The following PCDHGB7 variants were observed in gnomAD, a reference collection of about 807,000 sequenced individuals.
PCDHGB7 encodes the protein protocadherin gamma subfamily B, 7.
Under a neutral mutation model 61.4 loss-of-function variants are expected in PCDHGB7, and 37 were observed. The observed-to-expected ratio is 0.60, with a 90% CI of 0.46 to 0.79. The LOEUF (loss-of-function observed/expected upper bound fraction) is 0.79, where lower values mean the gene tolerates loss of function less well. Ranked by LOEUF, PCDHGB7 falls within the 30% of genes least tolerant of loss-of-function variation. PCDHGB7 has a pLI of 0.00. For missense variants in PCDHGB7, 1,166 were observed against 1,202.5 expected (o/e 0.97, Z 0.45); for synonymous variants, 464 against 503.5 (o/e 0.92, Z 1.05).
chr5:141,417,896 C>G lies in PCDHGB7; in HGVS notation c.37C>G (p.Pro13Ala). 1 of 1,576,868 alleles carries G rather than the reference C, an allele frequency of 6.3e-7. No homozygotes were observed. The highest frequency in any genetic ancestry group is 8.6e-7 in the Non-Finnish European group (1 of 1,160,896). The change falls in exon 1 of 4, where the codon CCG becomes GCG. Residue 13 changes from proline (P) to alanine (A), a missense_variant. Pro to Ala is a conservative substitution (Grantham distance 27). Coordinates refer to ENST00000398594, the MANE Select transcript of PCDHGB7 (RefSeq NM_018927.4). ...GSCAQRRRAG[P>A]RQVLFPLLLP... ...CTGCGCGCAGAGGCGCCGGGCCGGC[C>G]CGCGGCAGGTACTATTTCCTTTGCT... is the stretch of plus-strand genomic sequence containing the variant.
chr5:141,458,633 A>C (rs548586597), intron 1 of PCDHGB7, among the ~76,000 whole-genome samples: 12 of 151,884 alleles, frequency 7.9e-5, no homozygotes, highest in Non-Finnish European at 1.5e-4. Flanking sequence ...GCAGTGGCAC[A>C]ATCCCAGCTC....
At position 141,491,187 on chromosome 5, in the gene PCDHGB7, G is replaced by A. The variant is rs2099709293; in HGVS notation, c.2416-3620G>A. ...CCCAGCAGGTGGTGGTCCTGGTGAG[G>A]GACAATGGTGACCCTTCACTCTCCT... On this transcript the variant is annotated intron_variant, in intron 1 of 3. Coordinates refer to ENST00000398594, the MANE Select transcript of PCDHGB7 (RefSeq NM_018927.4). The surrounding 1 kb of genome is among the most constrained non-coding windows in gnomAD (Gnocchi z 6.9). The A allele has an allele frequency of 6.2e-7, 1 of 1,614,064 alleles. No homozygotes were observed. The highest frequency in any genetic ancestry group is 1.1e-5 in the South Asian group (1 of 91,080).
chr5:141,440,572 GT>G (rs1233263525), intron 1 of PCDHGB7: 1 of 152,200 alleles, frequency 6.6e-6, no homozygotes, highest in Non-Finnish European at 1.5e-5. Context: ...GTATCTCTGA[GT>G]TTACCCAGCT....
intron 1 of PCDHGB7, chr5:141,424,664 A>T (rs923488035): frequency 6.6e-6 from 1 of 152,124 alleles, no homozygotes; most frequent in African/African-American, 2.4e-5. Flanking sequence ...CTTTAATTAA[A>T]CTGATTTAGC....
Position 141,419,652 on chromosome 5 carries a change from C to T in PCDHGB7, c.1793C>T (p.Ser598Leu), listed in dbSNP as rs563445438. 15 of 1,612,592 alleles carry T rather than the reference C, an allele frequency of 9.3e-6. 1 individual carries two copies. In the Admixed American group the frequency reaches 1.3e-4, roughly 14 times the overall value. The change falls in exon 1 of 4, where the codon TCG (serine) becomes TTG (leucine). Residue 598 changes from serine (S) to leucine (L), a missense_variant. Transcript: ENST00000398594. ...VTKVVAVDAD[S>L]GHNAWLSYHV... ...AAGGTGGTGGCCGTGGACGCGGACT[C>T]GGGGCACAATGCCTGGCTGTCCTAC... is the stretch of plus-strand genomic sequence containing the variant.
intron 1 of PCDHGB7, among the ~76,000 whole-genome samples, chr5:141,453,864 G>A (rs758778743): frequency 2.6e-5 from 4 of 152,192 alleles, no homozygotes; most frequent in Non-Finnish European, 5.9e-5. Context: ...GAAAATAACA[G>A]ATGAGCAAAA....
At chr5:141,501,290 TACACACACACACACAC>T (rs55762287) in intron 2 of PCDHGB7, among the ~76,000 whole-genome samples, 7 of 136,164 alleles carry the variant, frequency 5.1e-5, no homozygotes, top group South Asian at 2.4e-4. Context: ...TATTCCCTTA[TACACACACACACACAC>T]ACACACACAC....
intron 1 of PCDHGB7, among the ~76,000 whole-genome samples, chr5:141,425,551 T>C (rs1472337722): frequency 1.3e-5 from 2 of 152,270 alleles, no homozygotes. Context: ...CAGAAACCTC[T>C]TTTATAAGTG....
intron 1 of PCDHGB7, chr5:141,468,541 A>G (rs1407685120): frequency 6.6e-6 from 1 of 152,076 alleles, no homozygotes. Context: ...GTTTCCTGAC[A>G]TATTTAACAT....
intron 1 of PCDHGB7, among the ~76,000 whole-genome samples, chr5:141,442,917 G>A (rs1041756930): frequency 6.6e-6 from 1 of 152,178 alleles, no homozygotes; most frequent in Non-Finnish European, 1.5e-5. Context: ...GCACACAACT[G>A]TTTCATTTTC....
rs566049956 is a variant in PCDHGB7 at position 141,511,685 on chromosome 5, G to A, written c.*512G>A. 1.0e-5 allele frequency: 2 copies of A among 198,374 alleles called. No individual in the cohort carries two copies. Among genetic ancestry groups the A allele is most frequent in the Non-Finnish European group, 2.1e-5 (2 of 94,428 alleles). The allele number at this position is 198,374 out of a possible 1,614,324, so 12.3% of individuals were successfully genotyped here. On this transcript the variant is annotated 3_prime_UTR_variant, in exon 4 of 4. Coordinates refer to ENST00000398594, the MANE Select transcript of PCDHGB7 (RefSeq NM_018927.4). ...GATTCTCAATCTTCCCCCAAAGCAT[G>A]GTTTGGTGCCAGCCCCTTCACCTCC...
chr5:141,438,631 TATATAC>T (rs1271580663), intron 1 of PCDHGB7, among the ~76,000 whole-genome samples: 5,390 of 42,476 alleles, frequency 0.13, 146 homozygotes, highest in Non-Finnish European at 0.16. Context: ...TATATATATA[TATATAC>T]ACACACACAC....
intron 2 of PCDHGB7, 70 bp downstream of exon 2, chr5:141,494,935 G>T (rs1456805368): frequency 2.5e-6 from 4 of 1,612,364 alleles, no homozygotes; most frequent in African/African-American, 1.3e-5. Context: ...GGGAGGAGAT[G>T]GGGGAGGGCC....
intron 1 of PCDHGB7, chr5:141,471,515 T>C (rs931181988): frequency 2.6e-5 from 4 of 152,276 alleles, no homozygotes; most frequent in African/African-American, 9.6e-5. Context: ...GGAGTAAAAA[T>C]AACAGCGAGG....
chr5:141,430,938 C>A, intron 1 of PCDHGB7: 1 of 1,607,082 alleles, frequency 6.2e-7, no homozygotes, highest in Non-Finnish European at 8.5e-7. Context: ...CGGGAGCTCG[C>A]GGAGCGCGGA....
chr5:141,446,778 T>C (rs2098515519), intron 1 of PCDHGB7, among the ~76,000 whole-genome samples: 1 of 152,116 alleles, frequency 6.6e-6, no homozygotes, highest in South Asian at 2.1e-4. Flanking sequence ...GTTACCATTC[T>C]TTTACTCTGA....
Position 141,490,920 on chromosome 5 carries a change from T to A in PCDHGB7, c.2416-3887T>A. 1.2e-6 allele frequency: 2 copies of A among 1,613,638 alleles called. No homozygotes were observed. The highest frequency in any genetic ancestry group is 1.7e-6 in the Non-Finnish European group (2 of 1,179,684). The stretch of plus-strand genomic sequence containing the variant: ...TGTTTGTCCTAGACGAGAATGATAA[T>A]GCCCCAGCTGTGCTGCACCCACGGC... On this transcript the variant is annotated intron_variant, in intron 1 of 3. Coordinates refer to ENST00000398594, the MANE Select transcript of PCDHGB7 (RefSeq NM_018927.4). This position sits in a 1 kb window ranked among gnomAD's most constrained non-coding sequence, Gnocchi z 5.4.
At chr5:141,420,457 T>A in intron 1 of PCDHGB7, 183 bp downstream of exon 1, 1 of 927,890 alleles carries the variant, frequency 1.1e-6, no homozygotes. Flanking sequence ...TTCCTACTAT[T>A]CAAAGACATT....
chr5:141,422,150 T>A (rs773805631), intron 1 of PCDHGB7: 1 of 1,577,174 alleles, frequency 6.3e-7, no homozygotes, highest in Non-Finnish European at 8.6e-7. Context: ...CGGGGGTCTC[T>A]GGATTTTGAA....
Sources: gnomAD v4.1 joint callset for allele counts (sites outside exome capture counted in the v4.1 genomes callset) on GRCh38, gnomAD v4.1.1 for gene constraint, Gnocchi (gnomAD v3.1) non-coding constraint, MANE v1.5 for transcripts, NCBI Gene and HGNC (gene_info 2026-07-23, HGNC 2026-07-21) for gene names.